Variants in UBE2G2 observed in about 807,000 individuals in gnomAD.
The protein encoded by UBE2G2 is ubiquitin conjugating enzyme E2 G2.
Under a neutral mutation model 23.0 loss-of-function variants are expected in UBE2G2, and 10 were observed. That is an observed-to-expected ratio of 0.43 (90% CI 0.27 to 0.74). The LOEUF (loss-of-function observed/expected upper bound fraction) is 0.74, where lower values mean the gene tolerates loss of function less well. UBE2G2 is among the 30% of genes least tolerant of loss of function. UBE2G2 has a pLI of 0.19. For missense variants in UBE2G2, 150 were observed against 218.3 expected (o/e 0.69, Z 1.97); for synonymous variants, 86 against 81.3 (o/e 1.06, Z -0.31).
chr21:44,770,407 G>A lies in UBE2G2; in HGVS notation c.*970C>T. On this transcript the variant is annotated 3_prime_UTR_variant, in exon 6 of 6. Transcript: ENST00000345496. ...TCGGGAAAAAACTGTCTGTCCTTGT[G>A]ATCAGCAATAAATTTCTTTTTTCTT... is the stretch of plus-strand genomic sequence containing the variant. 1 of 152,160 alleles carries A rather than the reference G, an allele frequency of 6.6e-6. No homozygotes were observed. The highest frequency in any genetic ancestry group is 1.9e-4 in the East Asian group (1 of 5,196). 9.4% of individuals were successfully genotyped at this position (152,160 alleles called of 1,614,324 possible).
At chr21:44,795,892 C>T (rs528003800) in intron 1 of UBE2G2, among the ~76,000 whole-genome samples, 14 of 152,162 alleles carry the variant, frequency 9.2e-5, no homozygotes, top group African/African-American at 2.4e-4. Flanking sequence ...GATGGCCATG[C>T]GAAGATGGAG....
At position 44,769,166 on chromosome 21, in the gene UBE2G2, G is replaced by T. The variant is rs1242545507; in HGVS notation, c.*2211C>A. 1 of 152,132 alleles carries T rather than the reference G, an allele frequency of 6.6e-6. No individual in the cohort carries two copies. The highest frequency in any genetic ancestry group is 1.5e-5 in the Non-Finnish European group (1 of 68,038). The allele number at this position is 152,132 out of a possible 1,614,324, so 9.4% of individuals were successfully genotyped here. ...GAATAAAAATACTTTATTTTGTCAAGAGACTGCCTCTCCTCCCTCTCCCGA... is the reference window on the plus strand; with the variant it reads ...GAATAAAAATACTTTATTTTGTCAATAGACTGCCTCTCCTCCCTCTCCCGA... On this transcript the variant is annotated 3_prime_UTR_variant, in exon 6 of 6. Coordinates refer to ENST00000345496, the MANE Select transcript of UBE2G2 (RefSeq NM_003343.6).
chr21:44,801,472 C>T lies in UBE2G2; in HGVS notation c.43+234G>A, dbSNP rs2083136994. The T allele has an allele frequency of 4.3e-6, 5 of 1,151,244 alleles. No individual in the cohort carries two copies. The African/African-American group carries it at 4.9e-5, about 11-fold the overall frequency. The allele number at this position is 1,151,244 out of a possible 1,614,324, so 71.3% of individuals were successfully genotyped here. On this transcript the variant is annotated intron_variant, in intron 1 of 5. Coordinates refer to ENST00000345496, the MANE Select transcript of UBE2G2 (RefSeq NM_003343.6). ...CTCAACTGTGTGTGCTCTCAACTAA[C>T]ACGGCGCCGGCGCTGCCTTTACTGA...
chr21:44,784,664 G>C (rs1184174944), intron 3 of UBE2G2, among the ~76,000 whole-genome samples: 2 of 152,136 alleles, frequency 1.3e-5, no homozygotes, highest in Non-Finnish European at 1.5e-5. Context: ...GTGTGAGAAG[G>C]GCTCCTGGTA....
rs1384280189 is a variant in UBE2G2, at chr21:44,787,811, C to CA, written c.125+108dup. On this transcript the variant is annotated intron_variant, in intron 3 of 5. Coordinates refer to ENST00000345496, the MANE Select transcript of UBE2G2 (RefSeq NM_003343.6). ...GAGAGCTGGGCATTACTGGAGAACT[C>CA]AGTCTTTTTTCCAGCTGATGCTTTT... is the stretch of plus-strand genomic sequence containing the variant. 1.2e-4 allele frequency: 152 copies of CA among 1,264,682 alleles called. No homozygotes were observed. The East Asian group carries it at 2.8e-3, about 23-fold the overall frequency. The allele number at this position is 1,264,682 out of a possible 1,614,324, so 78.3% of individuals were successfully genotyped here.
chr21:44,797,120 G>A (rs781932573), intron 1 of UBE2G2, among the ~76,000 whole-genome samples: 3 of 152,188 alleles, frequency 2.0e-5, no homozygotes, highest in Non-Finnish European at 2.9e-5. Context: ...TCTTAGTGAG[G>A]TATGTTTAGA....
Position 44,771,415 on chromosome 21 carries a change from T to A in UBE2G2, c.460A>T (p.Ile154Phe). 1 of 1,613,228 alleles carries A rather than the reference T, an allele frequency of 6.2e-7. No homozygotes were observed. The highest frequency in any genetic ancestry group is 8.5e-7 in the Non-Finnish European group (1 of 1,180,022). ...GACTTCTGGACGATCTGCTTGGCAA[T>A]CTTATAGAACTGCTCCCGGTCATCG... is the stretch of plus-strand genomic sequence containing the variant. ...WRDDREQFYK[I>F]AKQIVQKSLG... The change falls in exon 6 of 6, where the codon ATT becomes TTT. Residue 154 changes from isoleucine to phenylalanine, a missense_variant. Ile to Phe is a conservative substitution (Grantham distance 21, BLOSUM62 0). Coordinates refer to ENST00000345496, the MANE Select transcript of UBE2G2 (RefSeq NM_003343.6). The surrounding 1 kb of genome is among the most constrained non-coding windows in gnomAD (Gnocchi z 4.6).
rs2083142638 is a variant in UBE2G2, at chr21:44,801,818, A to T, written c.-70T>A. On this transcript the variant is annotated 5_prime_UTR_variant, in exon 1 of 6. Coordinates refer to ENST00000345496, the MANE Select transcript of UBE2G2 (RefSeq NM_003343.6). ...CGTGCCTCCTGCCCCGACACCGGGG[A>T]CTGCTTCCGGGCCACCGTCGCGGGC... The T allele has an allele frequency of 6.8e-7, 1 of 1,477,542 alleles. No individual in the cohort carries two copies. Among genetic ancestry groups the T allele is most frequent in the African/African-American group, 1.5e-5 (1 of 67,796 alleles). 91.5% of individuals were successfully genotyped at this position (1,477,542 alleles called of 1,614,324 possible).
chr21:44,799,483 G>A (rs1422721631), intron 1 of UBE2G2, among the ~76,000 whole-genome samples: 2 of 152,194 alleles, frequency 1.3e-5, no homozygotes, highest in African/African-American at 4.8e-5. Flanking sequence ...GTGCTTTTCT[G>A]TTATGGAGAC....
At chr21:44,777,445 A>C in intron 3 of UBE2G2, 28 bp from the exon 4 acceptor site, 1 of 1,599,944 alleles carries the variant, frequency 6.3e-7, no homozygotes, top group Non-Finnish European at 8.6e-7. Context: ...CGTAGACTGA[A>C]CTTCAAAGTA....
In UBE2G2 at chr21:44,786,817, C is replaced by T. The variant is rs115972973; in HGVS notation, c.125+1103G>A. Among the ~76,000 whole-genome samples the T allele has an allele frequency of 3.0e-3, 459 of 152,282 alleles. 3 individuals carry two copies. The highest frequency in any genetic ancestry group is 0.011 in the African/African-American group (442 of 41,558). ...ATGAGATAACAAAGACTGGGCTTGG[C>T]GCGGTGGCTCACACCTGTTATCCCA... On this transcript the variant is annotated intron_variant, in intron 3 of 5. Coordinates refer to ENST00000345496, the MANE Select transcript of UBE2G2 (RefSeq NM_003343.6).
At chr21:44,800,054 A>C (rs2083122699) in intron 1 of UBE2G2, 1 of 152,262 alleles carries the variant, frequency 6.6e-6, no homozygotes, top group Admixed American at 6.5e-5. Flanking sequence ...GATGCCCCAA[A>C]ATAATTACAA....
intron 3 of UBE2G2, among the ~76,000 whole-genome samples, chr21:44,783,109 G>C (rs1555961515): frequency 6.6e-6 from 1 of 152,106 alleles, no homozygotes; most frequent in African/African-American, 2.4e-5. Flanking sequence ...TATAAAAATG[G>C]GGAAAAGTTC....
In UBE2G2 at chr21:44,771,507, A is replaced by C. The variant is rs782049337; in HGVS notation, c.386-18T>G. The C allele has an allele frequency of 1.0e-5, 16 of 1,607,262 alleles. No homozygotes were observed. The highest frequency in any genetic ancestry group is 1.4e-5 in the Non-Finnish European group (16 of 1,179,190). On this transcript the variant is annotated intron_variant, in intron 5 of 5. Transcript: ENST00000345496. This position sits in a 1 kb window ranked among gnomAD's most constrained non-coding sequence, Gnocchi z 4.6. ...ATTGGGCTCTGAAAGAAAAGGGAAC[A>C]CCCTCCATGTAAAAGGGAGTCTTAT... is the stretch of plus-strand genomic sequence containing the variant.
At chr21:44,794,553 G>C (rs75517630) in intron 1 of UBE2G2, among the ~76,000 whole-genome samples, 19 of 64,810 alleles carry the variant, frequency 2.9e-4, no homozygotes, top group Admixed American at 8.7e-4. Context: ...TTTTTTTTTT[G>C]AGACGGAGTC....
chr21:44,773,759 C>T, intron 4 of UBE2G2, 72 bp from the exon 5 acceptor site: 1 of 1,567,728 alleles, frequency 6.4e-7, no homozygotes, highest in Non-Finnish European at 8.6e-7. Flanking sequence ...GGGCAGGCTC[C>T]ACAGATAATG....
In UBE2G2 at chr21:44,768,709, A is replaced by G. The variant is rs2082846798; in HGVS notation, c.*2668T>C. Reference sequence around the variant, plus strand: ...ATGACAGGGAGCTGTGCTTCTAAGCAACTGCAGGAGGGAAGCGCAGTCGGA... The same window carrying G: ...ATGACAGGGAGCTGTGCTTCTAAGCGACTGCAGGAGGGAAGCGCAGTCGGA... On this transcript the variant is annotated 3_prime_UTR_variant, in exon 6 of 6. Transcript: ENST00000345496. 6.6e-6 allele frequency: 1 copy of G among 152,226 alleles called. No homozygotes were observed. 9.4% of individuals were successfully genotyped at this position (152,226 alleles called of 1,614,324 possible). A position where few individuals can be genotyped will look rare whatever the true frequency, so the allele number is the denominator to read the frequency against.
chr21:44,781,936 T>C (rs755712196), intron 3 of UBE2G2, among the ~76,000 whole-genome samples: 59 of 152,372 alleles, frequency 3.9e-4, no homozygotes, highest in South Asian at 1.7e-3. Flanking sequence ...TTTTGCAATA[T>C]AGATGTTTCT....
intron 1 of UBE2G2, among the ~76,000 whole-genome samples, chr21:44,794,051 T>C (rs2083066214): frequency 6.6e-6 from 1 of 151,884 alleles, no homozygotes; most frequent in African/African-American, 2.4e-5. Flanking sequence ...CTTTAAGAGG[T>C]AATTAAAATT....
Sources: gnomAD v4.1 joint callset for allele counts (sites outside exome capture counted in the v4.1 genomes callset) on GRCh38, gnomAD v4.1.1 for gene constraint, Gnocchi (gnomAD v3.1) non-coding constraint, MANE v1.5 for transcripts, NCBI Gene and HGNC (gene_info 2026-07-23, HGNC 2026-07-21) for gene names.